The following DZIP3 variants were observed in gnomAD, a reference collection of about 807,000 sequenced individuals.
DZIP3 encodes E3 ubiquitin-protein ligase DZIP3.
DZIP3 carries 118 observed loss-of-function variants against 162.0 expected under a neutral mutation model. The ratio of observed to expected loss-of-function variants is 0.73; its 90% CI spans 0.63 to 0.85. The LOEUF (loss-of-function observed/expected upper bound fraction) is 0.85, where lower values mean the gene tolerates loss of function less well. DZIP3 is among the 40% of genes least tolerant of loss of function. The pLI is 0.00. For missense variants in DZIP3, 1,331 were observed against 1,407.0 expected, an observed-to-expected ratio of 0.95 and a Z score of 0.86; for synonymous variants, 438 against 458.6, an observed-to-expected ratio of 0.96 and a Z score of 0.57.
In DZIP3 at chr3:108,660,688, A is replaced by G. The variant is rs902044518; in HGVS notation, c.2200-1189A>G. ...CTGCACAGCAAAAGAAACTACCATC[A>G]GAGTCAACAGGCAACCTACAGAATG... is the stretch of plus-strand genomic sequence containing the variant. On this transcript the variant is annotated intron_variant, in intron 19 of 32. Coordinates refer to ENST00000361582, the MANE Select transcript of DZIP3 (RefSeq NM_014648.4). Among the ~76,000 whole-genome samples, 153 of 152,344 alleles carry G rather than the reference A, an allele frequency of 1.0e-3. 1 individual carries two copies. Among genetic ancestry groups the G allele is most frequent in the Middle Eastern group, 3.4e-3 (1 of 294 alleles).
At chr3:108,691,457 A>G (rs1218837117) in intron 32 of DZIP3, 3 of 152,142 alleles carry the variant, frequency 2.0e-5, no homozygotes, top group Non-Finnish European at 4.4e-5. Flanking sequence ...GAGGGGATAA[A>G]AGGGTATGAT....
chr3:108,687,115 C>G (rs1047021306), intron 28 of DZIP3, among the ~76,000 whole-genome samples: 6 of 152,040 alleles, frequency 3.9e-5, no homozygotes. Flanking sequence ...AATGAAGTTT[C>G]TTTTATCTCA....
intron 5 of DZIP3, among the ~76,000 whole-genome samples, chr3:108,618,389 G>A (rs62266423): frequency 6.6e-6 from 1 of 152,048 alleles, no homozygotes; most frequent in Non-Finnish European, 1.5e-5. Flanking sequence ...TTTAGTGTTT[G>A]CTGTATGACA....
At chr3:108,638,127 G>T (rs1176133649) in intron 12 of DZIP3, among the ~76,000 whole-genome samples, 1 of 152,044 alleles carries the variant, frequency 6.6e-6, no homozygotes, top group Non-Finnish European at 1.5e-5. Flanking sequence ...AGTTAATGAA[G>T]CCCAAATCTT....
At chr3:108,660,995 G>A (rs887473534) in intron 19 of DZIP3, among the ~76,000 whole-genome samples, 3 of 152,200 alleles carry the variant, frequency 2.0e-5, no homozygotes, top group African/African-American at 7.2e-5. Context: ...ACAGGTGCTG[G>A]AGAGGATATG....
chr3:108,637,056 T>G (rs902059714), intron 11 of DZIP3, among the ~76,000 whole-genome samples: 1 of 152,034 alleles, frequency 6.6e-6, no homozygotes, highest in Non-Finnish European at 1.5e-5. Flanking sequence ...CCTCTTTTAG[T>G]CTGTAAATAT....
intron 13 of DZIP3, 63 bp downstream of exon 13, chr3:108,642,577 C>G: frequency 1.4e-6 from 2 of 1,383,706 alleles, no homozygotes; most frequent in Admixed American, 2.8e-5. Context: ...ACTTCTCTGT[C>G]AACTTTCATG....
intron 1 of DZIP3, among the ~76,000 whole-genome samples, chr3:108,597,155 CT>C (rs1000016068): frequency 1.9e-4 from 29 of 152,110 alleles, no homozygotes; most frequent in African/African-American, 6.8e-4. Context: ...ATTATTTTTC[CT>C]GTTTTCTTTC....
At chr3:108,605,489 A>T (rs766692671) in intron 2 of DZIP3, 51 bp downstream of exon 2, 1 of 1,591,906 alleles carries the variant, frequency 6.3e-7, no homozygotes, top group Non-Finnish European at 8.6e-7. Flanking sequence ...GTTTCGTGGA[A>T]AACAATTTTT....
chr3:108,618,098 G>A (rs1232748280), intron 5 of DZIP3, among the ~76,000 whole-genome samples: 1 of 152,192 alleles, frequency 6.6e-6, no homozygotes, highest in Non-Finnish European at 1.5e-5. Context: ...TTATGGGGGT[G>A]CAGTTGCGAA....
At position 108,674,142 on chromosome 3, in the gene DZIP3, G is replaced by A; in HGVS notation, c.2654G>A (p.Cys885Tyr). The change falls in exon 24 of 33, where the codon TGT becomes TAT. Residue 885 changes from cysteine (C) to tyrosine (Y), a missense_variant. By Grantham distance (194) the Cys-to-Tyr change is radical. Coordinates refer to ENST00000361582, the MANE Select transcript of DZIP3 (RefSeq NM_014648.4). The part of the protein sequence containing the change: ...LLHLEQTEKE[C>Y]LNQLARVTHM... ...CATCTAGAGCAGACTGAAAAGGAAT[G>A]TCTCAATCAGCTTGCCAGGGTGACT... 1 of 1,612,340 alleles carries A rather than the reference G, an allele frequency of 6.2e-7. No homozygotes were observed. The highest frequency in any genetic ancestry group is 8.5e-7 in the Non-Finnish European group (1 of 1,178,880).
chr3:108,612,930 A>G (rs1940800051), intron 4 of DZIP3, among the ~76,000 whole-genome samples: 1 of 152,178 alleles, frequency 6.6e-6, no homozygotes, highest in South Asian at 2.1e-4. Context: ...TACAAGATAA[A>G]CTAGTATTTC....
intron 16 of DZIP3, chr3:108,648,580 C>A (rs1306357868): frequency 1.2e-5 from 2 of 168,752 alleles, no homozygotes; most frequent in Admixed American, 1.2e-4. Context: ...ATCCTTAGAT[C>A]TTTCATCTTA....
intron 21 of DZIP3, among the ~76,000 whole-genome samples, chr3:108,664,536 C>G (rs1219751222): frequency 6.6e-5 from 10 of 152,240 alleles, no homozygotes; most frequent in Non-Finnish European, 1.5e-5. Flanking sequence ...TGCTACCCAG[C>G]ACCAATGTTA....
At chr3:108,649,203 T>C (rs1049459734) in intron 17 of DZIP3, among the ~76,000 whole-genome samples, 1 of 151,918 alleles carries the variant, frequency 6.6e-6, no homozygotes, top group Non-Finnish European at 1.5e-5. Context: ...TATATAAATA[T>C]AGACTGAATT....
chr3:108,684,643 A>AT (rs1160117538), intron 27 of DZIP3, among the ~76,000 whole-genome samples: 1 of 152,116 alleles, frequency 6.6e-6, no homozygotes, highest in Admixed American at 6.6e-5. Flanking sequence ...TTTTTAATAG[A>AT]TTTTTTTGGC....
chr3:108,686,087 C>T (rs1944487829), intron 27 of DZIP3, among the ~76,000 whole-genome samples: 1 of 152,124 alleles, frequency 6.6e-6, no homozygotes, highest in Admixed American at 6.6e-5. Flanking sequence ...AGAGAAACAG[C>T]AGTAAACAGC....
intron 1 of DZIP3, among the ~76,000 whole-genome samples, chr3:108,595,917 C>CTGGGAA (rs1340387926): frequency 2.6e-5 from 4 of 152,130 alleles, no homozygotes; most frequent in Non-Finnish European, 5.9e-5. Context: ...TTTCTAGGTT[C>CTGGGAA]TGGGAATACA....
chr3:108,672,675 CAG>C lies in DZIP3; in HGVS notation c.2589+20_2589+21del, dbSNP rs760923327. The C allele has an allele frequency of 6.2e-6, 10 of 1,600,144 alleles. No individual in the cohort carries two copies. In the Admixed American group the frequency reaches 6.7e-5, roughly 11 times the overall value. On this transcript the variant is annotated intron_variant, in intron 23 of 32. Coordinates refer to ENST00000361582, the MANE Select transcript of DZIP3 (RefSeq NM_014648.4). ...AGCCGAGGTAACAACAAAACGGGGA[CAG>C]GGGTATGGGGTGAGGGGAAAAGTTT... is the stretch of plus-strand genomic sequence containing the variant.
Sources: allele counts gnomAD v4.1 joint callset (sites outside exome capture counted in the v4.1 genomes callset), GRCh38; gene constraint gnomAD v4.1.1; transcripts MANE v1.5; gene names NCBI Gene and HGNC (gene_info 2026-07-23, HGNC 2026-07-21).